The following ERG variants were observed in gnomAD, a reference collection of about 807,000 sequenced individuals.
ERG encodes the protein ETS transcription factor ERG.
ERG carries 9 observed loss-of-function variants against 55.3 expected under a neutral mutation model. The ratio of observed to expected loss-of-function variants is 0.16; its 90% CI spans 0.10 to 0.28. The LOEUF is 0.28. Among genes scored for constraint, ERG ranks in the 10% least tolerant of loss-of-function variants. ERG has a pLI of 1.00. For synonymous variants in ERG, 223 were observed against 237.3 expected (o/e 0.94, Z 0.55); for missense variants, 434 against 631.6 (o/e 0.69, Z 3.35).
chr21:38,647,723 G>A (rs2060465667), intron 1 of ERG, among the ~76,000 whole-genome samples: 1 of 152,160 alleles, frequency 6.6e-6, no homozygotes, highest in African/African-American at 2.4e-5. Flanking sequence ...CTTTTATTCT[G>A]ATATGCTTAA....
chr21:38,577,829 G>T (rs181867194), intron 1 of ERG, among the ~76,000 whole-genome samples: 13 of 152,224 alleles, frequency 8.5e-5, no homozygotes, highest in Middle Eastern at 6.8e-3. Flanking sequence ...AGTTCACTCC[G>T]CACAGTTCCT....
chr21:38,382,136 C>G lies in ERG; in HGVS notation c.*1267G>C. On this transcript the variant is annotated 3_prime_UTR_variant, in exon 10 of 10. Coordinates refer to ENST00000288319, the MANE Select transcript of ERG (RefSeq NM_182918.4). ...AAGCATACAGAGTTAAAATTCAAGG[C>G]CACATTATATCGATTGTCTCTTTTG... 2.8e-6 allele frequency: 3 copies of G among 1,054,910 alleles called. No homozygotes were observed. The highest frequency in any genetic ancestry group is 3.4e-6 in the Non-Finnish European group (3 of 872,532). 65.3% of individuals were successfully genotyped at this position (1,054,910 alleles called of 1,614,324 possible).
chr21:38,397,210 T>A (rs995757663), intron 6 of ERG, among the ~76,000 whole-genome samples: 59 of 152,186 alleles, frequency 3.9e-4, no homozygotes, highest in Non-Finnish European at 7.5e-4. Flanking sequence ...GAGACTGAAC[T>A]GACACAGCAG....
intron 2 of ERG, among the ~76,000 whole-genome samples, chr21:38,428,450 G>C (rs781356483): frequency 6.6e-6 from 1 of 152,152 alleles, no homozygotes; most frequent in African/African-American, 2.4e-5. Flanking sequence ...AGAGGACCAC[G>C]TGTTCTCCAT....
Position 38,383,875 on chromosome 21 carries a change from T to C in ERG, c.968A>G (p.Asp323Gly), listed in dbSNP as rs2146412948. 1 of 1,613,964 alleles carries C rather than the reference T, an allele frequency of 6.2e-7. No homozygotes were observed. Among genetic ancestry groups the C allele is most frequent in the Non-Finnish European group, 8.5e-7 (1 of 1,179,980 alleles). ...LWQFLLELLSDSSNSSCITWE... is the reference protein window; with the variant it reads ...LWQFLLELLSGSSNSSCITWE... ...GGTGATGCAGCTGGAGTTGGAGCTG[T>C]CCGACAGGAGCTCCAGGAGGAACTG... Residue 323 changes from aspartate to glycine, a missense_variant, in exon 10 of 10, where the codon GAC becomes GGC. By Grantham distance (94) the Asp-to-Gly change is moderately conservative. Transcript: ENST00000288319. The surrounding 1 kb of genome is among the most constrained non-coding windows in gnomAD (Gnocchi z 5.7).
intron 2 of ERG, among the ~76,000 whole-genome samples, chr21:38,436,376 A>C (rs990157389): frequency 6.6e-6 from 1 of 152,216 alleles, no homozygotes; most frequent in Admixed American, 6.5e-5. Context: ...AACATATACA[A>C]AAAATCAAAA....
chr21:38,432,946 C>T (rs2836390), intron 2 of ERG, among the ~76,000 whole-genome samples: 1 of 152,160 alleles, frequency 6.6e-6, no homozygotes, highest in African/African-American at 2.4e-5. Context: ...AAAAGAACAT[C>T]TTCAGAGTGG....
At chr21:38,547,979 A>G (rs916175922) in intron 2 of ERG, among the ~76,000 whole-genome samples, 1 of 152,210 alleles carries the variant, frequency 6.6e-6, no homozygotes, top group Non-Finnish European at 1.5e-5. Context: ...TAAGCAGGAA[A>G]ATATCTGAGA....
At chr21:38,526,904 TTCTG>T (rs756427671) in intron 2 of ERG, among the ~76,000 whole-genome samples, 32 of 152,276 alleles carry the variant, frequency 2.1e-4, no homozygotes, top group Non-Finnish European at 3.5e-4. Context: ...ATGTTGAGAA[TTCTG>T]TCTAAGAAAC....
chr21:38,544,082 G>A (rs1326281630), intron 2 of ERG, among the ~76,000 whole-genome samples: 1 of 152,190 alleles, frequency 6.6e-6, no homozygotes, highest in Non-Finnish European at 1.5e-5. Context: ...AGGCTTTACT[G>A]TGAAGGTGAT....
intron 2 of ERG, among the ~76,000 whole-genome samples, chr21:38,437,041 C>T (rs1300356858): frequency 6.6e-6 from 1 of 152,026 alleles, no homozygotes; most frequent in Non-Finnish European, 1.5e-5. Flanking sequence ...GCACCTGCCA[C>T]CATGCCCAGC....
At chr21:38,471,820 C>T (rs557443298) in intron 1 of ERG, 1 of 152,302 alleles carries the variant, frequency 6.6e-6, no homozygotes, top group South Asian at 2.1e-4. Flanking sequence ...TTTCTAATTA[C>T]ACGTGAAAAT....
chr21:38,592,407 G>A (rs980811079), intron 1 of ERG, among the ~76,000 whole-genome samples: 1 of 152,192 alleles, frequency 6.6e-6, no homozygotes, highest in Non-Finnish European at 1.5e-5. Flanking sequence ...TGCTCTCCTA[G>A]GCGCTGAGAC....
At chr21:38,605,408 T>C (rs1348050043) in intron 1 of ERG, among the ~76,000 whole-genome samples, 73 of 152,160 alleles carry the variant, frequency 4.8e-4, no homozygotes, top group Non-Finnish European at 5.9e-5. Flanking sequence ...TCAGGCCTTA[T>C]TCCAATTACA....
upstream of ERG, among the ~76,000 whole-genome samples, chr21:38,585,710 C>A (rs544757889): frequency 1.4e-4 from 21 of 151,930 alleles, no homozygotes; most frequent in Middle Eastern, 6.8e-3. Flanking sequence ...AGCACTGCAT[C>A]AAATCAATAT....
chr21:38,587,313 G>C (rs892193266), upstream of ERG, among the ~76,000 whole-genome samples: 1 of 152,154 alleles, frequency 6.6e-6, no homozygotes, highest in African/African-American at 2.4e-5. Context: ...AAGGGGATGG[G>C]GGAGGGGGAC....
intron 2 of ERG, among the ~76,000 whole-genome samples, chr21:38,524,664 C>A (rs2059617830): frequency 6.6e-6 from 1 of 152,022 alleles, no homozygotes; most frequent in Admixed American, 6.6e-5. Context: ...ATTTAAAACT[C>A]CAAGAGACAG....
chr21:38,381,324 T>A lies in ERG; in HGVS notation c.*2079A>T. 9.4e-7 allele frequency: 1 copy of A among 1,064,698 alleles called. No individual in the cohort carries two copies. The highest frequency in any genetic ancestry group is 5.0e-5 in the East Asian group (1 of 19,986). 66.0% of individuals were successfully genotyped at this position (1,064,698 alleles called of 1,614,324 possible). On this transcript the variant is annotated 3_prime_UTR_variant, in exon 10 of 10. Transcript: ENST00000288319. ...CACCTTGTATTTTCACCTTTTGAGT[T>A]GCCTTCACCTGGACCAAGGTTGGCA...
intron 2 of ERG, among the ~76,000 whole-genome samples, chr21:38,432,100 T>G (rs1311907220): frequency 1.3e-5 from 2 of 152,198 alleles, no homozygotes; most frequent in Non-Finnish European, 2.9e-5. Flanking sequence ...GATTTGATTT[T>G]ATTGTTTTTT....
Sources: gnomAD v4.1 joint callset for allele counts (sites outside exome capture counted in the v4.1 genomes callset) on GRCh38, gnomAD v4.1.1 for gene constraint, Gnocchi (gnomAD v3.1) non-coding constraint, MANE v1.5 for transcripts, NCBI Gene and HGNC (gene_info 2026-07-23, HGNC 2026-07-21) for gene names.